MAGI2: variants seen among roughly 807,000 people sequenced by gnomAD.
The protein encoded by MAGI2 is membrane associated guanylate kinase, WW and PDZ domain containing 2.
Under a neutral mutation model 133.3 loss-of-function variants are expected in MAGI2, and 35 were observed. The ratio of observed to expected loss-of-function variants is 0.26; its 90% CI spans 0.20 to 0.35. The LOEUF (loss-of-function observed/expected upper bound fraction) is 0.35. Among genes scored for constraint, MAGI2 ranks in the 10% least tolerant of loss-of-function variants. MAGI2 has a pLI of 1.00. For missense variants in MAGI2, 1,636 were observed against 1,863.4 expected, an observed-to-expected ratio of 0.88 and a Z score of 2.25; for synonymous variants, 729 against 710.6, an observed-to-expected ratio of 1.03 and a Z score of -0.41.
chr7:78,368,517 C>T (rs1231797835), intron 7 of MAGI2, among the ~76,000 whole-genome samples: 2 of 152,048 alleles, frequency 1.3e-5, no homozygotes, highest in African/African-American at 4.8e-5. Flanking sequence ...AAATAAATCA[C>T]ATATTTAACT....
At chr7:79,154,404 G>T (rs1467890513) in intron 1 of MAGI2, among the ~76,000 whole-genome samples, 1 of 152,104 alleles carries the variant, frequency 6.6e-6, no homozygotes, top group Non-Finnish European at 1.5e-5. Context: ...GATTACATTT[G>T]ATCTTGTTTT....
intron 2 of MAGI2, among the ~76,000 whole-genome samples, chr7:78,695,842 A>G (rs1817455986): frequency 6.6e-6 from 1 of 152,194 alleles, no homozygotes; most frequent in Non-Finnish European, 1.5e-5. Context: ...CTGCCCCATC[A>G]GGAGGCTTCC....
At chr7:79,185,265 G>GT (rs1254437631) in intron 1 of MAGI2, among the ~76,000 whole-genome samples, 2 of 151,792 alleles carry the variant, frequency 1.3e-5, no homozygotes, top group African/African-American at 2.4e-5. Context: ...AATGAAATGC[G>GT]TATCTCCAAA....
At chr7:78,906,178 C>G (rs931686994) in intron 2 of MAGI2, among the ~76,000 whole-genome samples, 1 of 152,222 alleles carries the variant, frequency 6.6e-6, no homozygotes, top group Non-Finnish European at 1.5e-5. Context: ...TATTAGTAAA[C>G]TGTATGTGGG....
At chr7:79,038,963 T>A (rs1811363954) in intron 1 of MAGI2, among the ~76,000 whole-genome samples, 1 of 152,246 alleles carries the variant, frequency 6.6e-6, no homozygotes, top group East Asian at 1.9e-4. Context: ...TACTCCATTA[T>A]AAGTGGATAG....
rs1217212994 is a variant in MAGI2, at chr7:78,341,472, T to C, written c.1408+2306A>G. On this transcript the variant is annotated intron_variant, in intron 9 of 21. Coordinates refer to ENST00000354212, the MANE Select transcript of MAGI2 (RefSeq NM_012301.4). ...GGAAAAAACCACCATAAACTTTATA[T>C]GGAACCAAAAAAGAGCCCACATTGC... is the stretch of plus-strand genomic sequence containing the variant. Among the ~76,000 whole-genome samples, 3 of 152,162 alleles carry C rather than the reference T, an allele frequency of 2.0e-5. No individual in the cohort carries two copies. In the East Asian group the frequency reaches 5.8e-4, roughly 29 times the overall value.
chr7:78,129,923 G>A (rs1044228500), intron 18 of MAGI2, among the ~76,000 whole-genome samples: 27 of 93,630 alleles, frequency 2.9e-4, no homozygotes, highest in Admixed American at 1.1e-3. Flanking sequence ...CAACAAGAGG[G>A]AAACTCCGCC....
intron 2 of MAGI2, among the ~76,000 whole-genome samples, chr7:78,913,685 T>C (rs1235017884): frequency 6.6e-6 from 1 of 152,222 alleles, no homozygotes; most frequent in Non-Finnish European, 1.5e-5. Context: ...TGTCAACTAA[T>C]TTGACTTGCT....
intron 2 of MAGI2, among the ~76,000 whole-genome samples, chr7:78,931,334 G>A (rs907867519): frequency 2.0e-5 from 3 of 152,026 alleles, no homozygotes; most frequent in Non-Finnish European, 1.5e-5. Flanking sequence ...ATAAATTTTA[G>A]TTCCCCTCTT....
At chr7:78,913,708 G>T (rs2151620554) in intron 2 of MAGI2, among the ~76,000 whole-genome samples, 1 of 152,182 alleles carries the variant, frequency 6.6e-6, no homozygotes, top group East Asian at 1.9e-4. Flanking sequence ...TATGTTCCAT[G>T]GTGCATAACA....
intron 3 of MAGI2, among the ~76,000 whole-genome samples, chr7:78,613,518 G>T (rs372228362): frequency 1.3e-5 from 2 of 152,196 alleles, no homozygotes; most frequent in South Asian, 2.1e-4. Flanking sequence ...CTATAGTAGA[G>T]AATTCACAAA....
intron 1 of MAGI2, among the ~76,000 whole-genome samples, chr7:79,029,300 A>G (rs2116793116): frequency 6.6e-6 from 1 of 152,308 alleles, no homozygotes; most frequent in African/African-American, 2.4e-5. Flanking sequence ...TAAAATCTAC[A>G]AAGCAGCTAT....
At chr7:78,959,452 T>G (rs116959808) in intron 2 of MAGI2, among the ~76,000 whole-genome samples, 1,695 of 152,258 alleles carry the variant, frequency 0.011, 14 homozygotes, top group Non-Finnish European at 0.017. Context: ...TTTTTTCTCC[T>G]ACTGAAACAA....
At chr7:78,721,318 G>C (rs967246946) in intron 2 of MAGI2, among the ~76,000 whole-genome samples, 2 of 151,882 alleles carry the variant, frequency 1.3e-5, no homozygotes, top group African/African-American at 4.8e-5. Flanking sequence ...AAATAATGAA[G>C]TCTCTCAGCA....
intron 3 of MAGI2, among the ~76,000 whole-genome samples, chr7:78,532,244 T>C (rs1797531762): frequency 6.6e-6 from 1 of 152,232 alleles, no homozygotes; most frequent in African/African-American, 2.4e-5. Flanking sequence ...GTTTTCTTTT[T>C]CATCATATTA....
Position 78,069,539 on chromosome 7 carries a change from G to GGAGAGAGAGAGAGAGAGAGAGA in MAGI2, c.3706+9386_3706+9407dup, listed in dbSNP as rs3840607. On this transcript the variant is annotated intron_variant, in intron 21 of 21. Coordinates refer to ENST00000354212, the MANE Select transcript of MAGI2 (RefSeq NM_012301.4). ...AGAGAGAGATTGAAAGAAAGAGAGA[G>GGAGAGAGAGAGAGAGAGAGAGA]GAGAGAGAGAGAGAGAGAGAGAGAG... 6.2e-3 allele frequency among the ~76,000 whole-genome samples: 829 copies of GGAGAGAGAGAGAGAGAGAGAGA among 134,642 alleles called. 13 individuals are homozygous for GGAGAGAGAGAGAGAGAGAGAGA. Among genetic ancestry groups the GGAGAGAGAGAGAGAGAGAGAGA allele is most frequent in the Non-Finnish European group, 8.6e-3 (538 of 62,874 alleles). 88.3% of individuals were successfully genotyped at this position (134,642 alleles called of 152,430 possible).
chr7:79,237,420 G>A (rs1196536759), intron 1 of MAGI2, among the ~76,000 whole-genome samples: 1 of 152,192 alleles, frequency 6.6e-6, no homozygotes, highest in South Asian at 2.1e-4. Flanking sequence ...ATGAACCCGG[G>A]AGGTGGAGCT....
At chr7:78,848,662 A>C (rs949440288) in intron 2 of MAGI2, among the ~76,000 whole-genome samples, 1 of 151,904 alleles carries the variant, frequency 6.6e-6, no homozygotes, top group African/African-American at 2.4e-5. Context: ...ATTTCTCTCC[A>C]TTCTGTCAAC....
chr7:78,281,078 T>G (rs187890475), intron 9 of MAGI2, among the ~76,000 whole-genome samples: 1 of 152,112 alleles, frequency 6.6e-6, no homozygotes, highest in South Asian at 2.1e-4. Context: ...TTTTCTAATC[T>G]AAGCTCAACT....
Sources: gnomAD v4.1 joint callset for allele counts (sites outside exome capture counted in the v4.1 genomes callset) on GRCh38, gnomAD v4.1.1 for gene constraint, MANE v1.5 for transcripts, NCBI Gene and HGNC (gene_info 2026-07-23, HGNC 2026-07-21) for gene names.